Variants in HP1BP3 observed in about 807,000 individuals in gnomAD.
HP1BP3 encodes the protein heterochromatin protein 1-binding protein 3.
A neutral mutation model predicts 62.5 loss-of-function variants in HP1BP3; 12 were observed. That is an observed-to-expected ratio of 0.19 (90% CI 0.12 to 0.31). The LOEUF (loss-of-function observed/expected upper bound fraction) is 0.31. HP1BP3 is among the 10% of genes least tolerant of loss of function. The pLI, the probability that HP1BP3 is intolerant of heterozygous loss-of-function variation, is 1.00. For synonymous variants in HP1BP3, 260 were observed against 237.8 expected, an observed-to-expected ratio of 1.09 and a Z score of -0.86; for missense variants, 502 against 651.8, an observed-to-expected ratio of 0.77 and a Z score of 2.50.
Position 20,744,222 on chromosome 1 carries a change from A to G in HP1BP3, c.*575T>C, listed in dbSNP as rs1469343894. ...AAGGAGTCATATATCTTCAAAATCT[A>G]ATGAGATCACCCTGTTTTTGGCTTA... On this transcript the variant is annotated 3_prime_UTR_variant, in exon 13 of 13. Transcript: ENST00000438032. The G allele has an allele frequency of 6.5e-6, 1 of 152,712 alleles. No individual in the cohort carries two copies. The highest frequency in any genetic ancestry group is 1.5e-5 in the Non-Finnish European group (1 of 68,128). The allele number at this position is 152,712 out of a possible 1,614,324, so 9.5% of individuals were successfully genotyped here.
intron 1 of HP1BP3, among the ~76,000 whole-genome samples, chr1:20,785,460 C>T (rs1387429589): frequency 6.6e-6 from 1 of 152,168 alleles, no homozygotes; most frequent in Non-Finnish European, 1.5e-5. Flanking sequence ...ACATTGTTCC[C>T]AATCTTAAGT....
In HP1BP3 at chr1:20,744,278, G is replaced by A. The variant is rs565805177; in HGVS notation, c.*519C>T. 2.0e-5 allele frequency: 3 copies of A among 152,792 alleles called. No homozygotes were observed. Among genetic ancestry groups the A allele is most frequent in the Non-Finnish European group, 2.9e-5 (2 of 68,242 alleles). 9.5% of individuals were successfully genotyped at this position (152,792 alleles called of 1,614,324 possible). A position where few individuals can be genotyped will look rare whatever the true frequency, so the allele number is the denominator to read the frequency against. ...AAAGCTGTCTCTGTGTTTACAGTTG[G>A]AGAGAAAAGGTTAGTGGAGTGGCTT... On this transcript the variant is annotated 3_prime_UTR_variant, in exon 13 of 13. Transcript: ENST00000438032.
At chr1:20,747,836 G>T (rs1432220164) in intron 10 of HP1BP3, among the ~76,000 whole-genome samples, 181 bp from the exon 11 acceptor site, 1 of 152,062 alleles carries the variant, frequency 6.6e-6, no homozygotes, top group Non-Finnish European at 1.5e-5. Context: ...CATAAGTTTG[G>T]CAAGAGTTAA....
chr1:20,774,875 T>G (rs2057231719), intron 4 of HP1BP3: 1 of 152,352 alleles, frequency 6.6e-6, no homozygotes, highest in African/African-American at 2.4e-5. Context: ...TCCCAGCTAC[T>G]TGGCAGGTTG....
chr1:20,769,088 G>A (rs1297453186), intron 6 of HP1BP3, among the ~76,000 whole-genome samples: 1 of 152,064 alleles, frequency 6.6e-6, no homozygotes, highest in East Asian at 1.9e-4. Context: ...TTTAGTCAAC[G>A]ATAATTTTGT....
rs765143726 is a variant in HP1BP3 at position 20,745,008 on chromosome 1, G to A, written c.1451C>T (p.Ser484Leu). The A allele has an allele frequency of 1.9e-6, 3 of 1,614,170 alleles. No individual in the cohort carries two copies. Among genetic ancestry groups the A allele is most frequent in the East Asian group, 2.2e-5 (1 of 44,876 alleles). The stretch of plus-strand genomic sequence containing the variant: ...CCTAGCTTTCCCCCGCTGGGCAGCT[G>A]AGACTTTAGGTGCAGGTTTGGACCC... ...QRGSKPAPKV[S>L]AAQRGKARPL... The change falls in exon 13 of 13, where the codon TCA (serine) becomes TTA (leucine). Residue 484 changes from serine (S) to leucine (L), a missense_variant. Ser to Leu is a moderately radical substitution (Grantham distance 145). This residue lies in a region of HP1BP3 where 194 missense variants were observed against 207.0 expected (regional missense o/e 0.94). Transcript: ENST00000438032.
chr1:20,750,444 C>T (rs1339489248), intron 9 of HP1BP3, among the ~76,000 whole-genome samples: 1 of 151,720 alleles, frequency 6.6e-6, no homozygotes, highest in Admixed American at 6.6e-5. Flanking sequence ...AGGAGAGTCA[C>T]TTGAACCCAA....
intron 9 of HP1BP3, among the ~76,000 whole-genome samples, chr1:20,750,564 G>A (rs2055673279): frequency 1.3e-5 from 2 of 150,156 alleles, no homozygotes; most frequent in African/African-American, 4.9e-5. Context: ...AAAAAAAAAA[G>A]ATTATTTTAT....
chr1:20,776,467 A>G lies in HP1BP3; in HGVS notation c.350+130T>C, dbSNP rs1346469459. 23 of 789,064 alleles carry G rather than the reference A, an allele frequency of 2.9e-5. No homozygotes were observed. The East Asian group carries it at 5.7e-4, about 19-fold the overall frequency. 48.9% of individuals were successfully genotyped at this position (789,064 alleles called of 1,614,324 possible). A position where few individuals can be genotyped will look rare whatever the true frequency, so the allele number is the denominator to read the frequency against. On this transcript the variant is annotated intron_variant, in intron 4 of 12. Transcript: ENST00000438032. Reference sequence around the variant, plus strand: ...ATATAATAAACCTATTTCAAATGGTAATTCTAAAAATTAAATCCAAATAGC... The same window carrying G: ...ATATAATAAACCTATTTCAAATGGTGATTCTAAAAATTAAATCCAAATAGC...
chr1:20,765,525 T>C lies in HP1BP3; in HGVS notation c.742A>G (p.Ser248Gly), dbSNP rs768163547. The change falls in exon 8 of 13, where the codon AGC (serine) becomes GGC (glycine). Residue 248 changes from serine to glycine, a missense_variant. By Grantham distance (56) the Ser-to-Gly change is moderately conservative. Coordinates refer to ENST00000438032, the MANE Select transcript of HP1BP3 (RefSeq NM_001372052.1). ...TGTGGTTCTGGATCCACTGCAGAGC[T>C]CCTATTCTGAAAAGTAATTATCAAA... The part of the protein sequence containing the change: ...PQKSRNRKNR[S>G]SAVDPEPQVK... 9 of 1,610,810 alleles carry C rather than the reference T, an allele frequency of 5.6e-6. No homozygotes were observed. The East Asian group carries it at 2.0e-4, about 36-fold the overall frequency.
At chr1:20,746,466 G>T (rs985365463) in intron 11 of HP1BP3, among the ~76,000 whole-genome samples, 1 of 152,074 alleles carries the variant, frequency 6.6e-6, no homozygotes, top group Non-Finnish European at 1.5e-5. Flanking sequence ...TGTTTGTACA[G>T]AAATAATAAT....
chr1:20,771,894 T>G (rs1399448156), intron 5 of HP1BP3, among the ~76,000 whole-genome samples: 1 of 152,220 alleles, frequency 6.6e-6, no homozygotes, highest in African/African-American at 2.4e-5. Context: ...TTATTCATTC[T>G]CATTGGATAA....
At chr1:20,776,319 C>T (rs1029234949) in intron 4 of HP1BP3, 1 of 425,872 alleles carries the variant, frequency 2.3e-6, no homozygotes, top group Non-Finnish European at 4.1e-6. Flanking sequence ...CTTAAAATAT[C>T]AGATACTCCC....
chr1:20,781,990 T>C (rs756216275), intron 1 of HP1BP3, among the ~76,000 whole-genome samples: 1 of 152,210 alleles, frequency 6.6e-6, no homozygotes, highest in African/African-American at 2.4e-5. Flanking sequence ...AAATATGATA[T>C]GGAAATAAAA....
intron 8 of HP1BP3, among the ~76,000 whole-genome samples, chr1:20,758,156 A>G (rs2056237431): frequency 6.6e-6 from 1 of 152,200 alleles, no homozygotes; most frequent in African/African-American, 2.4e-5. Flanking sequence ...AAAAATAAAA[A>G]ATAAAAAACA....
Position 20,745,632 on chromosome 1 carries a change from T to G in HP1BP3, c.1278A>C (p.Lys426Asn), listed in dbSNP as rs766764492. 2.2e-5 allele frequency: 35 copies of G among 1,613,966 alleles called. No homozygotes were observed. Among genetic ancestry groups the G allele is most frequent in the Non-Finnish European group, 3.0e-5 (35 of 1,179,948 alleles). Reference protein sequence around the residue: ...YPSPGVLFPKKEPDDSRDEDE... With the variant: ...YPSPGVLFPKNEPDDSRDEDE... ...CCTCATCTCTAGAATCATCTGGCTCTTTCTTCGGAAACAGAACTCCTGGGC... is the reference window on the plus strand; with the variant it reads ...CCTCATCTCTAGAATCATCTGGCTCGTTCTTCGGAAACAGAACTCCTGGGC... The change falls in exon 12 of 13, where the codon AAA becomes AAC. Residue 426 changes from lysine to asparagine, a missense_variant. Coordinates refer to ENST00000438032, the MANE Select transcript of HP1BP3 (RefSeq NM_001372052.1).
chr1:20,779,707 C>T (rs1339208673), intron 3 of HP1BP3, 105 bp downstream of exon 3: 2 of 588,210 alleles, frequency 3.4e-6, no homozygotes, highest in African/African-American at 2.4e-5. Flanking sequence ...AAACACTTAG[C>T]CATGAAAAAA....
At chr1:20,762,330 C>T (rs1188816932) in intron 8 of HP1BP3, among the ~76,000 whole-genome samples, 2 of 151,878 alleles carry the variant, frequency 1.3e-5, no homozygotes, top group African/African-American at 2.4e-5. Context: ...AAGGTCATGA[C>T]AATATGTTTC....
chr1:20,765,980 CA>C (rs916472878), intron 7 of HP1BP3, among the ~76,000 whole-genome samples: 11 of 132,422 alleles, frequency 8.3e-5, no homozygotes, highest in South Asian at 4.8e-4. Flanking sequence ...AAAAAAAAAA[CA>C]AAAAAAACAC....
Sources: gnomAD v4.1 joint callset for allele counts (sites outside exome capture counted in the v4.1 genomes callset) on GRCh38, gnomAD v4.1.1 for gene constraint, gnomAD v4.1.1 regional missense constraint, MANE v1.5 for transcripts, NCBI Gene and HGNC (gene_info 2026-07-23, HGNC 2026-07-21) for gene names.